ARHGEF1: variants seen among roughly 807,000 people sequenced by gnomAD.
ARHGEF1 encodes Rho guanine nucleotide exchange factor 1, also known as 115 kDa guanine nucleotide exchange factor.
A neutral mutation model predicts 119.7 loss-of-function variants in ARHGEF1; 40 were observed. The observed-to-expected ratio is 0.33, with a 90% CI of 0.26 to 0.44. The LOEUF is 0.44. Ranked by LOEUF, ARHGEF1 falls within the 20% of genes least tolerant of loss-of-function variation. The pLI is 1.00. For synonymous variants in ARHGEF1, 494 were observed against 521.0 expected (o/e 0.95, Z 0.71); for missense variants, 976 against 1,268.3 (o/e 0.77, Z 3.50).
chr19:41,890,149 G>T (rs143604307), intron 4 of ARHGEF1: 3 of 152,170 alleles, frequency 2.0e-5, no homozygotes, highest in African/African-American at 7.2e-5. Flanking sequence ...TGCTATATTT[G>T]GGGGGTGTGA....
Position 41,902,513 on chromosome 19 carries a change from T to C in ARHGEF1, c.1498-20T>C, listed in dbSNP as rs574052276. ...GCCCATCCCCACTGAGACACCTGCC[T>C]GGCCTGAATCTCGCTGTAGTTTGAT... On this transcript the variant is annotated intron_variant, in intron 16 of 28. Transcript: ENST00000354532. This position sits in a 1 kb window ranked among gnomAD's most constrained non-coding sequence, Gnocchi z 6.5. The C allele has an allele frequency of 4.3e-5, 70 of 1,613,930 alleles. No individual in the cohort carries two copies. In the Admixed American group the frequency reaches 5.5e-4, roughly 13 times the overall value.
chr19:41,914,168 C>T (rs1176171111), intron 18 of ARHGEF1, among the ~76,000 whole-genome samples: 1 of 151,344 alleles, frequency 6.6e-6, no homozygotes, highest in East Asian at 1.9e-4. Context: ...CTCAGATGCC[C>T]CCACCTCCCA....
At position 41,894,523 on chromosome 19, in the gene ARHGEF1, C is replaced by T. The variant is rs782137914; in HGVS notation, c.817C>T (p.Arg273Cys). 5 of 1,610,454 alleles carry T rather than the reference C, an allele frequency of 3.1e-6. No individual in the cohort carries two copies. The highest frequency in any genetic ancestry group is 4.5e-5 in the East Asian group (2 of 44,828). The stretch of plus-strand genomic sequence containing the variant: ...GCTGAGCAGCATCCTGGATGCCGCC[C>T]GCTGGAACCGGGGAGAGCCCCAGGG... ...KGLSSILDAARWNRGEPQVPD... is the reference protein window; with the variant it reads ...KGLSSILDAACWNRGEPQVPD... The change falls in exon 10 of 29, where the codon CGC becomes TGC. Residue 273 changes from arginine (R) to cysteine (C), a missense_variant. By Grantham distance (180) the Arg-to-Cys change is radical. Coordinates refer to ENST00000354532, the MANE Select transcript of ARHGEF1 (RefSeq NM_004706.4).
chr19:41,920,955 G>A (rs2074838482), upstream of ARHGEF1, among the ~76,000 whole-genome samples: 1 of 152,230 alleles, frequency 6.6e-6, no homozygotes, highest in South Asian at 2.1e-4. Context: ...CCCTGTGTGT[G>A]TGTCTCTGCA....
At chr19:41,907,456 C>CTG (rs1383276733), downstream of ARHGEF1, 3 of 1,491,904 alleles carry the variant, frequency 2.0e-6, no homozygotes, top group Non-Finnish European at 2.7e-6. Flanking sequence ...AAGAAGAGAT[C>CTG]TGTGTGTGTG....
At position 41,896,372 on chromosome 19, in the gene ARHGEF1, C is replaced by A. The variant is rs201322553; in HGVS notation, c.1016-5C>A. On this transcript the variant is annotated splice_polypyrimidine_tract_variant and splice_region_variant and intron_variant, in intron 12 of 28. Transcript: ENST00000354532. ...CCAGCCAGCCCTGCTCCCTCCACCC[C>A]ACAGGTGCTGACGCCCCCCTGGAGC... 14 of 1,426,960 alleles carry A rather than the reference C, an allele frequency of 9.8e-6. No individual in the cohort carries two copies. Among genetic ancestry groups the A allele is most frequent in the South Asian group, 1.6e-5 (1 of 61,420 alleles). 88.4% of individuals were successfully genotyped at this position (1,426,960 alleles called of 1,614,324 possible).
At position 41,892,230 on chromosome 19, in the gene ARHGEF1, T is replaced by C; in HGVS notation, c.325-101T>C. On this transcript the variant is annotated intron_variant, in intron 5 of 28. Transcript: ENST00000354532. The surrounding 1 kb of genome is among the most constrained non-coding windows in gnomAD (Gnocchi z 6.3). ...TGAGGGCAGCTGCTGACCCAGGCCT[T>C]CCCCAGCACCCTCGCTTAGACCAGG... The C allele has an allele frequency of 6.4e-7, 1 of 1,571,706 alleles. No homozygotes were observed. The highest frequency in any genetic ancestry group is 8.7e-7 in the Non-Finnish European group (1 of 1,146,252).
At chr19:41,920,067 T>C (rs2074830306), upstream of ARHGEF1, among the ~76,000 whole-genome samples, 2 of 115,276 alleles carry the variant, frequency 1.7e-5, no homozygotes, top group Non-Finnish European at 3.4e-5. Flanking sequence ...CACCCAGATG[T>C]GACACACTCA....
rs2074688251 is a variant in ARHGEF1 at position 41,905,962 on chromosome 19, G to A, written c.2428G>A (p.Asp810Asn). 1 of 1,614,112 alleles carries A rather than the reference G, an allele frequency of 6.2e-7. No homozygotes were observed. Among genetic ancestry groups the A allele is most frequent in the Non-Finnish European group, 8.5e-7 (1 of 1,180,028 alleles). ...ADARTERILS[D>N]LLPFCRPGPE... ...AGCCCGGACCGAGAGAATCCTCAGTGACCTCCTGCCCTTCTGCAGACCAGG... is the reference window on the plus strand; with the variant it reads ...AGCCCGGACCGAGAGAATCCTCAGTAACCTCCTGCCCTTCTGCAGACCAGG... Residue 810 changes from aspartate to asparagine, a missense_variant, in exon 26 of 29, where the codon GAC becomes AAC. Coordinates refer to ENST00000354532, the MANE Select transcript of ARHGEF1 (RefSeq NM_004706.4). The surrounding 1 kb of genome is among the most constrained non-coding windows in gnomAD (Gnocchi z 6.4).
chr19:41,903,321 C>A lies in ARHGEF1; in HGVS notation c.1753C>A (p.Arg585=), dbSNP rs782793851. 1 of 1,613,788 alleles carries A rather than the reference C, an allele frequency of 6.2e-7. No individual in the cohort carries two copies. The highest frequency in any genetic ancestry group is 8.5e-7 in the Non-Finnish European group (1 of 1,180,010). ...IGQNTEEPTE[R]EKVELAAECC... ...CTTGCCTGCAGAAGAGCCCACAGAA[C>A]GGGAGAAAGTGGAGCTGGCAGCCGA... The change falls in exon 19 of 29, where the codon CGG becomes AGG. Residue 585 remains arginine (R), a synonymous_variant. Transcript: ENST00000354532. This position sits in a 1 kb window ranked among gnomAD's most constrained non-coding sequence, Gnocchi z 4.2.
At chr19:41,909,026 T>G, downstream of ARHGEF1, 5 of 1,173,702 alleles carry the variant, frequency 4.3e-6, no homozygotes, top group Non-Finnish European at 5.3e-6. The surrounding 1 kb of genome is among the most constrained non-coding windows in gnomAD (Gnocchi z 5.2). Context: ...TCTCCCACTG[T>G]GCCCCCAGCA....
intron 11 of ARHGEF1, 139 bp downstream of exon 11, chr19:41,894,800 C>G: frequency 9.9e-7 from 1 of 1,011,662 alleles, no homozygotes; most frequent in Admixed American, 2.0e-5. Context: ...GGCCTGGACA[C>G]CTGGGTCTGA....
At position 41,896,445 on chromosome 19, in the gene ARHGEF1, C is replaced by G; in HGVS notation, c.1084C>G (p.Pro362Ala). The change falls in exon 13 of 29, where the codon CCC becomes GCC. Residue 362 changes from proline to alanine, a missense_variant. Transcript: ENST00000354532. Reference protein sequence around the residue: ...QGPMSLESLAPPESTDEGAET... With the variant: ...QGPMSLESLAAPESTDEGAET... ...CCCAATGAGCCTGGAGTCCTTGGCG[C>G]CCCCAGAGAGTACCGACGAGGGGGC... is the stretch of plus-strand genomic sequence containing the variant. 6.7e-7 allele frequency: 1 copy of G among 1,482,624 alleles called. No homozygotes were observed. The highest frequency in any genetic ancestry group is 8.9e-7 in the Non-Finnish European group (1 of 1,117,390). 91.8% of individuals were successfully genotyped at this position (1,482,624 alleles called of 1,614,324 possible).
intron 14 of ARHGEF1, among the ~76,000 whole-genome samples, chr19:41,900,362 A>G (rs1319018103): frequency 1.3e-5 from 2 of 152,084 alleles, no homozygotes; most frequent in Non-Finnish European, 2.9e-5. Context: ...ACTAAATACA[A>G]CTGAGCACTG....
downstream of ARHGEF1, chr19:41,910,094 A>G: frequency 6.2e-7 from 1 of 1,612,146 alleles, no homozygotes; most frequent in Non-Finnish European, 8.5e-7. The surrounding 1 kb of genome is among the most constrained non-coding windows in gnomAD (Gnocchi z 4.4). Context: ...CGGGAAGGCA[A>G]ACCCTGGGGA....
At chr19:41,924,128 G>A (rs1225499260) in intron 1 of ARHGEF1, among the ~76,000 whole-genome samples, 3 of 151,744 alleles carry the variant, frequency 2.0e-5, no homozygotes, top group African/African-American at 7.3e-5. Context: ...GGGTGAGAAA[G>A]TGAGCCTGGA....
Position 41,906,687 on chromosome 19 carries a change from A to AC in ARHGEF1, c.2656-11dup. 2 of 1,601,094 alleles carry AC rather than the reference A, an allele frequency of 1.2e-6. No homozygotes were observed. Among genetic ancestry groups the AC allele is most frequent in the South Asian group, 1.1e-5 (1 of 89,866 alleles). ...AAGGAAGGGGCCCCCCTCATCCATG[A>AC]CCCCCACCCCACCAGGAGTTGGAGG... On this transcript the variant is annotated splice_polypyrimidine_tract_variant and intron_variant, in intron 27 of 28. Transcript: ENST00000354532. The surrounding 1 kb of genome is among the most constrained non-coding windows in gnomAD (Gnocchi z 4.5).
intron 18 of ARHGEF1, among the ~76,000 whole-genome samples, chr19:41,913,199 C>T (rs1390808614): frequency 6.6e-6 from 1 of 151,910 alleles, no homozygotes; most frequent in Non-Finnish European, 1.5e-5. Context: ...CTAACTACGC[C>T]GCTCCCAGCC....
rs782174769 is a variant in ARHGEF1 at position 41,904,316 on chromosome 19, C to T, written c.2094C>T (p.Pro698=). 17 of 1,609,178 alleles carry T rather than the reference C, an allele frequency of 1.1e-5. No homozygotes were observed. The highest frequency in any genetic ancestry group is 1.7e-4 in the Middle Eastern group (1 of 6,060). The change falls in exon 22 of 29, where the codon CCC becomes CCT. Residue 698 remains proline, a synonymous_variant. Transcript: ENST00000354532. This position sits in a 1 kb window ranked among gnomAD's most constrained non-coding sequence, Gnocchi z 8.4. ...ATAGCCGGACACTGACGCCCACGCC[C>T]GATGGCAAGACCATGCTGCGGCCCG... ...KSHSRTLTPT[P]DGKTMLRPVL...
Sources: gnomAD v4.1 joint callset for allele counts (sites outside exome capture counted in the v4.1 genomes callset) on GRCh38, gnomAD v4.1.1 for gene constraint, Gnocchi (gnomAD v3.1) non-coding constraint, MANE v1.5 for transcripts, NCBI Gene and HGNC (gene_info 2026-07-23, HGNC 2026-07-21) for gene names.